Variants in PER3 observed in about 807,000 individuals in gnomAD.
PER3 encodes period circadian protein homolog 3.
Under a neutral mutation model 127.2 loss-of-function variants are expected in PER3, and 107 were observed. The observed-to-expected ratio is 0.84, with a 90% CI of 0.72 to 0.99. The LOEUF (loss-of-function observed/expected upper bound fraction) is 0.99, where lower values mean the gene tolerates loss of function less well. Among genes scored for constraint, PER3 ranks in the 50% least tolerant of loss-of-function variants. PER3 has a pLI of 0.00. For missense variants in PER3, 1,560 were observed against 1,525.8 expected (o/e 1.02, Z -0.37); for synonymous variants, 618 against 585.8 (o/e 1.05, Z -0.79).
At position 7,820,628 on chromosome 1, in the gene PER3, C is replaced by G. The variant is rs1558447151; in HGVS notation, c.1945C>G (p.Pro649Ala). 6.2e-7 allele frequency: 1 copy of G among 1,609,898 alleles called. No homozygotes were observed. The highest frequency in any genetic ancestry group is 1.3e-5 in the African/African-American group (1 of 74,872). Residue 649 changes from proline to alanine, a missense_variant, in exon 16 of 22, where the codon CCC (proline) becomes GCC (alanine). By Grantham distance (27) the Pro-to-Ala change is conservative. Coordinates refer to ENST00000377532, the MANE Select transcript of PER3 (RefSeq NM_001377275.1). ...CAGCAGCACCATTGTCCATGTCCCA[C>G]CCCCAGAGACAGGTACCACACTCGC... is the stretch of plus-strand genomic sequence containing the variant. ...GYSSTIVHVP[P>A]PETARDATLF...
At chr1:7,823,366 G>T (rs2097286365) in intron 16 of PER3, among the ~76,000 whole-genome samples, 1 of 152,152 alleles carries the variant, frequency 6.6e-6, no homozygotes, top group South Asian at 2.1e-4. Flanking sequence ...GAAGCAGCCG[G>T]GCGTGGTGGT....
intron 7 of PER3, among the ~76,000 whole-genome samples, chr1:7,799,450 A>G (rs1284580644): frequency 6.6e-6 from 1 of 152,018 alleles, no homozygotes; most frequent in Non-Finnish European, 1.5e-5. Context: ...TAAAAATTAC[A>G]AAAATTAGCT....
At position 7,806,807 on chromosome 1, in the gene PER3, AAAAAAATATATAT is replaced by A. The variant is rs1223598684; in HGVS notation, c.1137-2084_1137-2072del. 3.6e-3 allele frequency among the ~76,000 whole-genome samples: 302 copies of A among 84,202 alleles called. 2 individuals are homozygous for A. Among genetic ancestry groups the A allele is most frequent in the African/African-American group, 0.013 (298 of 22,508 alleles). 55.2% of individuals were successfully genotyped at this position (84,202 alleles called of 152,430 possible). A position where few individuals can be genotyped will look rare whatever the true frequency, so the allele number is the denominator to read the frequency against. ...AGACCCTGTCTCTTAAAAAAAAAAA[AAAAAAATATATAT>A]ATATATATATATATATTACATACAC... is the stretch of plus-strand genomic sequence containing the variant. On this transcript the variant is annotated intron_variant, in intron 10 of 21. Transcript: ENST00000377532.
chr1:7,791,301 A>G (rs2097119719), intron 5 of PER3, among the ~76,000 whole-genome samples: 1 of 152,216 alleles, frequency 6.6e-6, no homozygotes, highest in Admixed American at 6.5e-5. Context: ...CACCTGCAGG[A>G]CCAACACCAT....
chr1:7,838,606 G>T (rs1172723721), intron 21 of PER3, among the ~76,000 whole-genome samples: 1 of 152,014 alleles, frequency 6.6e-6, no homozygotes, highest in Non-Finnish European at 1.5e-5. Context: ...CCCCATGTTG[G>T]CCAGGCTGGT....
chr1:7,829,925 ATCCT>A lies in PER3; in HGVS notation c.2979_2982del (p.His993GlnfsTer13). 1.4e-5 allele frequency: 18 copies of A among 1,299,014 alleles called. No individual in the cohort carries two copies. The highest frequency in any genetic ancestry group is 4.7e-5 in the Admixed American group (2 of 42,370). The allele number at this position is 1,299,014 out of a possible 1,614,324, so 80.5% of individuals were successfully genotyped here. ...TCACCTCCCAGGGAGAATCCATCCC[ATCCT>A]ACTGCCAGCGCTCTGTCCACAGGAT... On this transcript the variant is annotated frameshift_variant, in exon 19 of 22. Transcript: ENST00000377532. LOFTEE classifies it high-confidence loss of function.
At chr1:7,834,827 AATT>A (rs2097350103) in intron 19 of PER3, among the ~76,000 whole-genome samples, 7 of 150,662 alleles carry the variant, frequency 4.6e-5, no homozygotes, top group Non-Finnish European at 8.8e-5. Flanking sequence ...TTTTAAAAAA[AATT>A]AAACAAATAG....
intron 6 of PER3, among the ~76,000 whole-genome samples, chr1:7,796,878 A>G (rs975978539): frequency 3.3e-5 from 5 of 152,302 alleles, no homozygotes; most frequent in African/African-American, 1.2e-4. Context: ...ATTTGGAGTG[A>G]GTGTGAAGTA....
At chr1:7,837,609 T>C (rs1485076428) in intron 21 of PER3, among the ~76,000 whole-genome samples, 3 of 152,250 alleles carry the variant, frequency 2.0e-5, no homozygotes, top group East Asian at 1.9e-4. Context: ...TTTGCTGTTA[T>C]GAGTTCTTCT....
In PER3 at chr1:7,830,346, G is replaced by A. The variant is rs192409917; in HGVS notation, c.3214+185G>A. On this transcript the variant is annotated intron_variant, in intron 19 of 21. Coordinates refer to ENST00000377532, the MANE Select transcript of PER3 (RefSeq NM_001377275.1). ...ACAATAAAATTCACCAGTTTGAGGGGTACAAACAAGAATTCTGACAGATGT... is the reference window on the plus strand; with the variant it reads ...ACAATAAAATTCACCAGTTTGAGGGATACAAACAAGAATTCTGACAGATGT... 2.0e-5 allele frequency among the ~76,000 whole-genome samples: 3 copies of A among 152,238 alleles called. No individual in the cohort carries two copies. In the East Asian group the frequency reaches 5.8e-4, roughly 29 times the overall value.
At chr1:7,790,085 T>A (rs1232243880) in intron 5 of PER3, among the ~76,000 whole-genome samples, 1 of 152,228 alleles carries the variant, frequency 6.6e-6, no homozygotes. Flanking sequence ...TCCCATTTTT[T>A]CCCCAGGTAT....
At chr1:7,802,863 G>GT (rs1290827688) in intron 8 of PER3, among the ~76,000 whole-genome samples, 184 bp from the exon 9 acceptor site, 1 of 152,204 alleles carries the variant, frequency 6.6e-6, no homozygotes, top group Non-Finnish European at 1.5e-5. Flanking sequence ...ACCAACATGT[G>GT]TTAGATTATA....
intron 10 of PER3, among the ~76,000 whole-genome samples, chr1:7,806,399 C>G (rs1238622562): frequency 6.6e-6 from 1 of 152,206 alleles, no homozygotes; most frequent in African/African-American, 2.4e-5. Flanking sequence ...TTCACATACA[C>G]AGCAAAGCAA....
chr1:7,810,982 CT>C (rs1237895340), intron 13 of PER3, among the ~76,000 whole-genome samples: 1 of 152,056 alleles, frequency 6.6e-6, no homozygotes, highest in African/African-American at 2.4e-5. Context: ...AACAGAAAAT[CT>C]TTGTGACCTA....
chr1:7,842,310 G>A (rs543732322), intron 21 of PER3, among the ~76,000 whole-genome samples: 1 of 151,964 alleles, frequency 6.6e-6, no homozygotes, highest in East Asian at 1.9e-4. Flanking sequence ...AGACCAGCCT[G>A]GCCAACATAA....
intron 5 of PER3, chr1:7,788,459 C>T: frequency 1.8e-6 from 1 of 561,448 alleles, no homozygotes; most frequent in Non-Finnish European, 3.2e-6. Context: ...ACATCTGTTT[C>T]ACAGATGATA....
Position 7,832,136 on chromosome 1 carries a change from A to G in PER3, c.3214+1975A>G, listed in dbSNP as rs539974089. On this transcript the variant is annotated intron_variant, in intron 19 of 21. Coordinates refer to ENST00000377532, the MANE Select transcript of PER3 (RefSeq NM_001377275.1). The stretch of plus-strand genomic sequence containing the variant: ...TTTGTATCTTTCAAGAAATGTATCT[A>G]TTTTATCTAATTTGTTGAATATATT... 1.1e-4 allele frequency among the ~76,000 whole-genome samples: 17 copies of G among 152,082 alleles called. No homozygotes were observed. In the South Asian group the frequency reaches 2.7e-3, roughly 24 times the overall value.
At chr1:7,797,915 G>A (rs1232441465) in intron 6 of PER3, among the ~76,000 whole-genome samples, 3 of 152,150 alleles carry the variant, frequency 2.0e-5, no homozygotes, top group African/African-American at 4.8e-5. Flanking sequence ...CTCCCCTGCC[G>A]AGAGGTTCTT....
intron 21 of PER3, among the ~76,000 whole-genome samples, chr1:7,842,457 A>G (rs1351266247): frequency 6.6e-6 from 1 of 151,878 alleles, no homozygotes; most frequent in Non-Finnish European, 1.5e-5. Context: ...CTGAGATCGC[A>G]CCACTGCATT....
Sources: allele counts gnomAD v4.1 joint callset (sites outside exome capture counted in the v4.1 genomes callset), GRCh38; gene constraint gnomAD v4.1.1; transcripts MANE v1.5; gene names NCBI Gene and HGNC (gene_info 2026-07-23, HGNC 2026-07-21).